ADGRE1: variants seen among roughly 807,000 people sequenced by gnomAD.
ADGRE1 encodes EGF-like module receptor 1.
ADGRE1 carries 82 observed loss-of-function variants against 102.7 expected under a neutral mutation model. That is an observed-to-expected ratio of 0.80 (90% CI 0.67 to 0.96). The LOEUF is 0.96. Ranked by LOEUF, ADGRE1 falls within the 40% of genes least tolerant of loss-of-function variation. ADGRE1 has a pLI of 0.00. For synonymous variants in ADGRE1, 398 were observed against 399.6 expected, an observed-to-expected ratio of 1.00 and a Z score of 0.05; for missense variants, 1,032 against 1,085.3, an observed-to-expected ratio of 0.95 and a Z score of 0.69.
At chr19:6,938,776 TC>T (rs1555719302) in intron 20 of ADGRE1, among the ~76,000 whole-genome samples, 1 of 11,412 alleles carries the variant, frequency 8.8e-5, no homozygotes, top group Admixed American at 9.7e-4. Flanking sequence ...TTTTCTTTTT[TC>T]TTTCTTTCTT....
Position 6,904,245 on chromosome 19 carries a change from C to T in ADGRE1, c.949+63C>T, listed in dbSNP as rs1017148195. The T allele has an allele frequency of 1.9e-6, 3 of 1,585,636 alleles. No individual in the cohort carries two copies. In the African/African-American group the frequency reaches 4.1e-5, roughly 21 times the overall value. On this transcript the variant is annotated intron_variant, in intron 8 of 20. Transcript: ENST00000312053. The stretch of plus-strand genomic sequence containing the variant: ...TTTCTGGCTTTGGTTGGAAAATTCT[C>T]ATTCTACCCAACCTCGGGATCTTCC...
chr19:6,916,499 CAG>C, intron 12 of ADGRE1, 131 bp downstream of exon 12: 2 of 1,228,284 alleles, frequency 1.6e-6, no homozygotes, highest in South Asian at 1.9e-5. Flanking sequence ...TCCATGCTCT[CAG>C]AGAGTTTTCC....
chr19:6,926,941 C>T (rs1164230360), intron 16 of ADGRE1, among the ~76,000 whole-genome samples: 3 of 152,056 alleles, frequency 2.0e-5, no homozygotes, highest in African/African-American at 7.3e-5. Flanking sequence ...CACCTGTAAT[C>T]CCAGCTACTC....
intron 14 of ADGRE1, among the ~76,000 whole-genome samples, chr19:6,922,874 G>A (rs1191196498): frequency 3.9e-5 from 6 of 152,032 alleles, no homozygotes; most frequent in African/African-American, 1.2e-4. Context: ...TCAGGAGATC[G>A]AGACCATCCT....
At chr19:6,929,776 C>T (rs2145013113) in intron 17 of ADGRE1, among the ~76,000 whole-genome samples, 1 of 152,294 alleles carries the variant, frequency 6.6e-6, no homozygotes, top group Non-Finnish European at 1.5e-5. Context: ...CTGCCTCGGC[C>T]TCCCCAAGTG....
Position 6,916,254 on chromosome 19 carries a change from G to A in ADGRE1, c.1306G>A (p.Glu436Lys), listed in dbSNP as rs1233634384. The part of the protein sequence containing the change: ...PAVRTEYLDI[E>K]SKVINKECSE... ...CTCTCCCTTTCTCTTTTTAGACATT[G>A]AGAGCAAAGTTATCAACAAAGAATG... is the stretch of plus-strand genomic sequence containing the variant. The change falls in exon 12 of 21, where the codon GAG becomes AAG. Residue 436 changes from glutamate (E) to lysine (K), a missense_variant. Physicochemically the swap from Glu to Lys is moderately conservative, Grantham distance 56. Transcript: ENST00000312053. 6.2e-7 allele frequency: 1 copy of A among 1,611,190 alleles called. No homozygotes were observed. The highest frequency in any genetic ancestry group is 1.3e-5 in the African/African-American group (1 of 74,820).
intron 3 of ADGRE1, chr19:6,896,873 C>T (rs1176427838): frequency 6.2e-6 from 3 of 482,924 alleles, no homozygotes; most frequent in Non-Finnish European, 1.1e-5. Flanking sequence ...GGTTGAGTTT[C>T]CTCACAATAT....
At chr19:6,926,879 G>C (rs1357074327) in intron 16 of ADGRE1, among the ~76,000 whole-genome samples, 1 of 152,036 alleles carries the variant, frequency 6.6e-6, no homozygotes, top group African/African-American at 2.4e-5. Flanking sequence ...TGTATGACAT[G>C]GGGGGTGGTG....
intron 4 of ADGRE1, 52 bp downstream of exon 4, chr19:6,897,356 G>T: frequency 6.2e-7 from 1 of 1,609,956 alleles, no homozygotes; most frequent in Non-Finnish European, 8.5e-7. Flanking sequence ...TCTATCAGTG[G>T]GGTGAGTTCA....
At chr19:6,918,891 GT>G (rs1304489787) in intron 12 of ADGRE1, among the ~76,000 whole-genome samples, 3 of 151,868 alleles carry the variant, frequency 2.0e-5, no homozygotes, top group African/African-American at 7.3e-5. Context: ...CGCCTGGCTA[GT>G]TTTTTTATTG....
chr19:6,897,639 A>G, intron 5 of ADGRE1, 92 bp downstream of exon 5: 4 of 1,340,742 alleles, frequency 3.0e-6, no homozygotes, highest in Non-Finnish European at 3.9e-6. Flanking sequence ...TTTCTCATGT[A>G]GGGATAAGAA....
chr19:6,890,699 C>T (rs1326202540), intron 2 of ADGRE1, among the ~76,000 whole-genome samples, 156 bp downstream of exon 2: 1 of 152,204 alleles, frequency 6.6e-6, no homozygotes, highest in Non-Finnish European at 1.5e-5. Context: ...ATTCTCACTT[C>T]AGGCTCTTTC....
intron 2 of ADGRE1, among the ~76,000 whole-genome samples, chr19:6,894,629 T>A (rs1163902567): frequency 6.6e-6 from 1 of 152,184 alleles, no homozygotes; most frequent in Non-Finnish European, 1.5e-5. Flanking sequence ...GCTTTGCAGT[T>A]CATGTTGAGT....
chr19:6,896,705 A>G, intron 3 of ADGRE1, 164 bp downstream of exon 3: 1 of 759,058 alleles, frequency 1.3e-6, no homozygotes, highest in South Asian at 2.0e-5. Flanking sequence ...CAAGGTTAAT[A>G]TTGATATGTG....
Position 6,901,963 on chromosome 19 carries a change from A to G in ADGRE1, c.603A>G (p.Pro201=). 6.2e-7 allele frequency: 1 copy of G among 1,614,258 alleles called. No homozygotes were observed. The highest frequency in any genetic ancestry group is 2.2e-5 in the East Asian group (1 of 44,890). The change falls in exon 6 of 21, where the codon CCA becomes CCG. Residue 201 remains proline, a synonymous_variant. Transcript: ENST00000312053. ...TVGNYSCFCN[P]GFESSSGHLS... is the part of the protein sequence containing the mutation. Reference sequence around the variant, plus strand: ...GAAACTACTCTTGTTTCTGCAACCCAGGATTTGAATCCAGCAGTGGCCACT... The same window carrying G: ...GAAACTACTCTTGTTTCTGCAACCCGGGATTTGAATCCAGCAGTGGCCACT...
chr19:6,917,590 A>G (rs1472257377), intron 12 of ADGRE1, among the ~76,000 whole-genome samples: 1 of 151,928 alleles, frequency 6.6e-6, no homozygotes, highest in Non-Finnish European at 1.5e-5. Flanking sequence ...AATATAAAGA[A>G]TGAGCCTGGT....
chr19:6,928,355 G>A (rs1044940061), intron 17 of ADGRE1, 144 bp downstream of exon 17: 3 of 1,526,466 alleles, frequency 2.0e-6, no homozygotes, highest in African/African-American at 2.7e-5. Flanking sequence ...GCCGGGCGTG[G>A]TGGCTCACGC....
In ADGRE1 at chr19:6,940,031, G is replaced by C. The variant is rs767557543; in HGVS notation, c.*2G>C. The C allele has an allele frequency of 6.8e-6, 11 of 1,613,714 alleles. No homozygotes were observed. Among genetic ancestry groups the C allele is most frequent in the Non-Finnish European group, 9.3e-6 (11 of 1,179,926 alleles). ...TTCTTTTCTCTCTCACAGGGTTAAAGTCCTTTCTTGCTTTCAAATATGCTA... is the reference window on the plus strand; with the variant it reads ...TTCTTTTCTCTCTCACAGGGTTAAACTCCTTTCTTGCTTTCAAATATGCTA... On this transcript the variant is annotated 3_prime_UTR_variant, in exon 21 of 21. Transcript: ENST00000312053.
chr19:6,908,839 A>G (rs1974068700), intron 10 of ADGRE1, 67 bp downstream of exon 10: 1 of 1,484,982 alleles, frequency 6.7e-7, no homozygotes, highest in East Asian at 2.3e-5. Flanking sequence ...TGGGTGCAGA[A>G]AGATGTCTTT....
Sources: allele counts gnomAD v4.1 joint callset (sites outside exome capture counted in the v4.1 genomes callset), GRCh38; gene constraint gnomAD v4.1.1; transcripts MANE v1.5; gene names NCBI Gene and HGNC (gene_info 2026-07-23, HGNC 2026-07-21).